Variants in HGF observed in about 807,000 individuals in gnomAD.
The protein encoded by HGF is fibroblast-derived tumor cytotoxic factor.
In HGF, 39 loss-of-function variants were observed where a neutral mutation model predicts 111.6. That is an observed-to-expected ratio of 0.35 (90% CI 0.27 to 0.46). The LOEUF (loss-of-function observed/expected upper bound fraction) is 0.46. Ranked by LOEUF, HGF falls within the 20% of genes least tolerant of loss-of-function variation. HGF has a pLI of 1.00. For synonymous variants in HGF, 285 were observed against 294.8 expected, an observed-to-expected ratio of 0.97 and a Z score of 0.34; for missense variants, 735 against 910.5, an observed-to-expected ratio of 0.81 and a Z score of 2.48.
intron 5 of HGF, among the ~76,000 whole-genome samples, chr7:81,749,242 T>A (rs1056309588): frequency 2.6e-5 from 4 of 152,144 alleles, no homozygotes; most frequent in Non-Finnish European, 4.4e-5. Flanking sequence ...TTGTATTTTT[T>A]AAAATAATGA....
chr7:81,717,452 C>G, intron 10 of HGF, 87 bp from the exon 11 acceptor site: 1 of 1,272,258 alleles, frequency 7.9e-7, no homozygotes, highest in Non-Finnish European at 1.1e-6. Flanking sequence ...AATCTCAGCA[C>G]ATTACTTTCA....
rs115108510 is a variant in HGF, at chr7:81,743,167, T to A, written c.865+186A>T. ...GTGTGTATTTGCATATTTATCACAG[T>A]CAAAATAATCAGTCTCCAAAAATGC... On this transcript the variant is annotated intron_variant, in intron 7 of 17. Coordinates refer to ENST00000222390, the MANE Select transcript of HGF (RefSeq NM_000601.6). Among the ~76,000 whole-genome samples the A allele has an allele frequency of 1.0e-2, 1,522 of 152,298 alleles. 24 individuals carry two copies. The highest frequency in any genetic ancestry group is 0.033 in the African/African-American group (1,382 of 41,552).
At position 81,702,557 on chromosome 7, in the gene HGF, G is replaced by T; in HGVS notation, c.*24C>A. ...ATGTAAAAGACAGTTGTATTGGTGGGTGCTTCAGACACACTTACTTCAGCT... is the reference window on the plus strand; with the variant it reads ...ATGTAAAAGACAGTTGTATTGGTGGTTGCTTCAGACACACTTACTTCAGCT... On this transcript the variant is annotated 3_prime_UTR_variant, in exon 18 of 18. Transcript: ENST00000222390. 6.3e-7 allele frequency: 1 copy of T among 1,579,478 alleles called. No homozygotes were observed. Among genetic ancestry groups the T allele is most frequent in the Non-Finnish European group, 8.7e-7 (1 of 1,149,442 alleles).
intron 13 of HGF, among the ~76,000 whole-genome samples, chr7:81,709,136 C>G (rs1348128815): frequency 6.6e-6 from 1 of 152,048 alleles, no homozygotes; most frequent in Admixed American, 6.6e-5. Flanking sequence ...TTTCTCTACT[C>G]TAGGAGGCTA....
At chr7:81,736,952 T>C (rs1482906879) in intron 7 of HGF, among the ~76,000 whole-genome samples, 4 of 148,652 alleles carry the variant, frequency 2.7e-5, no homozygotes, top group African/African-American at 9.9e-5. Flanking sequence ...TGAGGAATGA[T>C]ATACTTTTGA....
At position 81,702,313 on chromosome 7, in the gene HGF, C is replaced by T. The variant is rs970443569; in HGVS notation, c.*268G>A. On this transcript the variant is annotated 3_prime_UTR_variant, in exon 18 of 18. Coordinates refer to ENST00000222390, the MANE Select transcript of HGF (RefSeq NM_000601.6). ...AATCTTTATCATCCAGCAAATATAC[C>T]TGTGTGTTTTTTTAATCCATTCAAG... 5.5e-6 allele frequency: 2 copies of T among 364,654 alleles called. No homozygotes were observed. The highest frequency in any genetic ancestry group is 1.0e-5 in the Non-Finnish European group (2 of 199,808). 22.6% of individuals were successfully genotyped at this position (364,654 alleles called of 1,614,324 possible). A position where few individuals can be genotyped will look rare whatever the true frequency, so the allele number is the denominator to read the frequency against.
chr7:81,768,066 G>A (rs1789452021), intron 1 of HGF, among the ~76,000 whole-genome samples: 1 of 151,966 alleles, frequency 6.6e-6, no homozygotes, highest in African/African-American at 2.4e-5. Context: ...AGCACTCTTG[G>A]GCTGCATTCT....
chr7:81,729,502 C>T (rs5745689), intron 8 of HGF, 103 bp downstream of exon 8: 162 of 837,360 alleles, frequency 1.9e-4, no homozygotes, highest in Non-Finnish European at 2.2e-4. Flanking sequence ...TCACTGGGCA[C>T]GCTGAAGTTT....
rs543810244 is a variant in HGF, at chr7:81,724,946, C to T, written c.1168+944G>A. On this transcript the variant is annotated intron_variant, in intron 9 of 17. Coordinates refer to ENST00000222390, the MANE Select transcript of HGF (RefSeq NM_000601.6). ...GTTATCTTCAATGGCATCTATGTTTCCAAATGCAATGGTGATTTCCCTCAA... is the reference window on the plus strand; with the variant it reads ...GTTATCTTCAATGGCATCTATGTTTTCAAATGCAATGGTGATTTCCCTCAA... Among the ~76,000 whole-genome samples, 3 of 152,272 alleles carry T rather than the reference C, an allele frequency of 2.0e-5. No homozygotes were observed. The South Asian group carries it at 6.2e-4, about 32-fold the overall frequency.
chr7:81,756,785 C>A, intron 4 of HGF: 1 of 211,866 alleles, frequency 4.7e-6, no homozygotes, highest in Non-Finnish European at 9.6e-6. Flanking sequence ...TAATGTGCAA[C>A]CAATGTTGAG....
intron 5 of HGF, 185 bp downstream of exon 5, chr7:81,751,935 A>G (rs901437670): frequency 2.1e-6 from 3 of 1,415,948 alleles, no homozygotes; most frequent in Non-Finnish European, 1.8e-6. Context: ...ATTTTGCATT[A>G]ATCTGGTGAT....
chr7:81,727,450 A>G (rs1790048263), intron 8 of HGF, among the ~76,000 whole-genome samples: 1 of 152,178 alleles, frequency 6.6e-6, no homozygotes, highest in African/African-American at 2.4e-5. Flanking sequence ...ATTTAAGGAT[A>G]TGAGAACATC....
chr7:81,767,507 C>T (rs963490899), intron 1 of HGF, among the ~76,000 whole-genome samples: 2 of 152,126 alleles, frequency 1.3e-5, no homozygotes, highest in Non-Finnish European at 2.9e-5. Flanking sequence ...CTTATTTGTT[C>T]ATCTTTACAT....
chr7:81,733,944 G>A (rs953697335), intron 7 of HGF, among the ~76,000 whole-genome samples: 1 of 152,106 alleles, frequency 6.6e-6, no homozygotes, highest in African/African-American at 2.4e-5. Flanking sequence ...TAAAACAAAT[G>A]TTTCATGACA....
At chr7:81,709,415 A>T (rs1363315871) in intron 13 of HGF, among the ~76,000 whole-genome samples, 1 of 152,206 alleles carries the variant, frequency 6.6e-6, no homozygotes, top group Non-Finnish European at 1.5e-5. Flanking sequence ...CAATTAACAT[A>T]CAGAATAATA....
At chr7:81,744,299 C>T (rs1053455355) in intron 6 of HGF, among the ~76,000 whole-genome samples, 27 of 81,050 alleles carry the variant, frequency 3.3e-4, no homozygotes, top group Non-Finnish European at 5.0e-4. Context: ...CAAAAGTAGA[C>T]ATGATTTTTT....
chr7:81,752,188 C>G lies in HGF; in HGVS notation c.557G>C (p.Gly186Ala), dbSNP rs778497868. Residue 186 changes from glycine (G) to alanine (A), a missense_variant, in exon 5 of 18, where the codon GGA becomes GCA. Physicochemically the swap from Gly to Ala is moderately conservative, Grantham distance 60 (BLOSUM62 0). Coordinates refer to ENST00000222390, the MANE Select transcript of HGF (RefSeq NM_000601.6). The part of the protein sequence containing the change: ...YCRNPRGEEG[G>A]PWCFTSNPEV... ...TGGATTGCTTGTGAAACACCAGGGT[C>G]CCCCTTCTTCCCCTCGAGGATTTCG... 1.2e-6 allele frequency: 2 copies of G among 1,613,350 alleles called. No homozygotes were observed. The highest frequency in any genetic ancestry group is 2.2e-5 in the East Asian group (1 of 44,854).
At chr7:81,752,343 G>T in intron 4 of HGF, 81 bp from the exon 5 acceptor site, 1 of 1,154,900 alleles carries the variant, frequency 8.7e-7, no homozygotes, top group Non-Finnish European at 1.3e-6. Flanking sequence ...TAGTGGGTAT[G>T]TTTTTGCTGA....
Position 81,729,746 on chromosome 7 carries a change from A to G in HGF, c.899T>C (p.Leu300Ser). The G allele has an allele frequency of 6.2e-7, 1 of 1,614,004 alleles. No individual in the cohort carries two copies. Among genetic ancestry groups the G allele is most frequent in the Non-Finnish European group, 8.5e-7 (1 of 1,179,988 alleles). The stretch of plus-strand genomic sequence containing the variant: ...ACCTTGGATGCATTCAGTTGTTTCC[A>G]AAGGAACATCAGTGTCATTCATAGT... ...DNTMNDTDVP[L>S]ETTECIQGQG... is the part of the protein sequence containing the mutation. The change falls in exon 8 of 18, where the codon TTG becomes TCG. Residue 300 changes from leucine (L) to serine (S), a missense_variant. Coordinates refer to ENST00000222390, the MANE Select transcript of HGF (RefSeq NM_000601.6).
Sources: allele counts gnomAD v4.1 joint callset (sites outside exome capture counted in the v4.1 genomes callset), GRCh38; gene constraint gnomAD v4.1.1; transcripts MANE v1.5; gene names NCBI Gene and HGNC (gene_info 2026-07-23, HGNC 2026-07-21).